Variants in GNA14 observed in about 807,000 individuals in gnomAD.
GNA14 encodes G protein subunit alpha 14.
A neutral mutation model predicts 42.0 loss-of-function variants in GNA14; 50 were observed. The ratio of observed to expected loss-of-function variants is 1.19; its 90% confidence interval spans 0.95 to 1.51. The LOEUF (loss-of-function observed/expected upper bound fraction) is 1.51, where lower values mean the gene tolerates loss of function less well. Ranked by LOEUF, GNA14 falls within the 40% of genes most tolerant of loss-of-function variation. The probability of loss-of-function intolerance (pLI) is 0.00; values close to 1 mark genes in which losing one functional copy is unlikely to be tolerated. For synonymous variants in GNA14, 173 were observed against 163.1 expected, an observed-to-expected ratio of 1.06 and a Z score of -0.46; for missense variants, 473 against 446.2, an observed-to-expected ratio of 1.06 and a Z score of -0.54.
chr9:77,433,432 G>A (rs1212591801), intron 3 of GNA14, among the ~76,000 whole-genome samples: 1 of 151,788 alleles, frequency 6.6e-6, no homozygotes, highest in Non-Finnish European at 1.5e-5. Flanking sequence ...TGTCACTCAG[G>A]CTGTACTGCA....
In GNA14 at chr9:77,612,521, T is replaced by C. The variant is rs989594606; in HGVS notation, c.124+35149A>G. Among the ~76,000 whole-genome samples, 7 of 152,020 alleles carry C rather than the reference T, an allele frequency of 4.6e-5. No homozygotes were observed. The South Asian group carries it at 1.3e-3, about 27-fold the overall frequency. ...TAAGTAAATAAAAACAAAAAGCAAA[T>C]ACTAAAACCTAAAATGTAAACAAAG... is the stretch of plus-strand genomic sequence containing the variant. On this transcript the variant is annotated intron_variant, in intron 1 of 6. Transcript: ENST00000341700.
chr9:77,557,534 T>A (rs543912142), intron 1 of GNA14, among the ~76,000 whole-genome samples: 2 of 152,356 alleles, frequency 1.3e-5, no homozygotes, highest in African/African-American at 2.4e-5. Context: ...GGGATATGAA[T>A]GGCCCACGCT....
At chr9:77,445,741 A>T (rs1178206380) in intron 2 of GNA14, among the ~76,000 whole-genome samples, 2 of 151,956 alleles carry the variant, frequency 1.3e-5, no homozygotes, top group African/African-American at 2.4e-5. Context: ...CCCCATCTTT[A>T]AAAAATATAT....
chr9:77,577,715 G>C (rs1325626910), intron 1 of GNA14, among the ~76,000 whole-genome samples: 1 of 152,148 alleles, frequency 6.6e-6, no homozygotes, highest in Non-Finnish European at 1.5e-5. Context: ...TTTCAATGAG[G>C]GCTCTGTAGA....
chr9:77,445,240 G>C (rs1200471541), intron 2 of GNA14, among the ~76,000 whole-genome samples: 1 of 152,180 alleles, frequency 6.6e-6, no homozygotes, highest in Non-Finnish European at 1.5e-5. Flanking sequence ...GACCAGACCA[G>C]CCTTTGCTAC....
At chr9:77,561,663 T>C (rs896134344) in intron 1 of GNA14, among the ~76,000 whole-genome samples, 1 of 152,226 alleles carries the variant, frequency 6.6e-6, no homozygotes, top group Non-Finnish European at 1.5e-5. Context: ...TTTAATGAGT[T>C]GCTCCTTGGA....
rs879723399 is a variant in GNA14 at position 77,529,345 on chromosome 9, T to G, written c.125-92A>C. On this transcript the variant is annotated intron_variant, in intron 1 of 6. Coordinates refer to ENST00000341700, the MANE Select transcript of GNA14 (RefSeq NM_004297.4). ...GACCTCCTGGCAGTATTAATCCACATCCCAATTAATAGGCTGATGGGTTGG... is the reference window on the plus strand; with the variant it reads ...GACCTCCTGGCAGTATTAATCCACAGCCCAATTAATAGGCTGATGGGTTGG... The G allele has an allele frequency of 3.1e-6, 3 of 954,490 alleles. No individual in the cohort carries two copies. The Admixed American group carries it at 5.4e-5, about 17-fold the overall frequency. 59.1% of individuals were successfully genotyped at this position (954,490 alleles called of 1,614,324 possible).
chr9:77,435,513 C>G (rs1000958307), intron 2 of GNA14, among the ~76,000 whole-genome samples: 3 of 152,098 alleles, frequency 2.0e-5, no homozygotes, highest in African/African-American at 2.4e-5. Context: ...GAGCCTCCCT[C>G]CCAATGCACT....
chr9:77,536,351 T>TG (rs1837598509), intron 1 of GNA14, among the ~76,000 whole-genome samples: 6 of 151,832 alleles, frequency 4.0e-5, no homozygotes, highest in Admixed American at 3.3e-4. Flanking sequence ...TTAGGTTTTT[T>TG]TTGTGTGTGT....
intron 4 of GNA14, 64 bp downstream of exon 4, chr9:77,431,257 A>T: frequency 6.8e-7 from 1 of 1,472,728 alleles, no homozygotes; most frequent in Non-Finnish European, 9.4e-7. Flanking sequence ...CACGTTTAAG[A>T]ATCCACCTGG....
chr9:77,568,858 CA>C (rs1823014200), intron 1 of GNA14, among the ~76,000 whole-genome samples: 1 of 152,132 alleles, frequency 6.6e-6, no homozygotes, highest in South Asian at 2.1e-4. Flanking sequence ...GTGGAGGGAG[CA>C]AAGATACAAT....
chr9:77,515,960 CAAAAAAA>C (rs1158448237), intron 2 of GNA14, among the ~76,000 whole-genome samples: 1,014 of 52,760 alleles, frequency 0.019, 46 homozygotes, highest in African/African-American at 0.062. Flanking sequence ...CCCTGTCTCA[CAAAAAAA>C]AAAAAAAAAA....
At chr9:77,645,246 A>G (rs1323583844) in intron 1 of GNA14, among the ~76,000 whole-genome samples, 1 of 152,208 alleles carries the variant, frequency 6.6e-6, no homozygotes, top group East Asian at 1.9e-4. Flanking sequence ...TAACTGAGGC[A>G]CCTGAGCAGT....
chr9:77,429,054 A>AG lies in GNA14; in HGVS notation c.594-19dup. On this transcript the variant is annotated intron_variant, in intron 4 of 6. Transcript: ENST00000341700. ...CCACCATCCTGTTGTGTAGAAACAC[A>AG]GATCCTTCAAAGGTTGGAATACATG... The AG allele has an allele frequency of 6.2e-7, 1 of 1,613,326 alleles. No individual in the cohort carries two copies. The highest frequency in any genetic ancestry group is 8.5e-7 in the Non-Finnish European group (1 of 1,179,466).
intron 1 of GNA14, among the ~76,000 whole-genome samples, chr9:77,646,044 G>A (rs973408907): frequency 3.3e-5 from 5 of 152,180 alleles, no homozygotes; most frequent in African/African-American, 1.2e-4. Flanking sequence ...CAGCCTAGAA[G>A]GCCAGGGACA....
chr9:77,545,737 TCTC>T (rs1289808585), intron 1 of GNA14, among the ~76,000 whole-genome samples: 3 of 150,456 alleles, frequency 2.0e-5, no homozygotes, highest in Non-Finnish European at 3.0e-5. Flanking sequence ...TCCCATAAAT[TCTC>T]CTAAGGTTCC....
intron 2 of GNA14, among the ~76,000 whole-genome samples, chr9:77,512,892 A>C (rs1837192937): frequency 6.6e-6 from 1 of 152,230 alleles, no homozygotes; most frequent in Non-Finnish European, 1.5e-5. Context: ...TAGCAAAATA[A>C]ATTTGAAATA....
chr9:77,519,821 C>T (rs899174646), intron 2 of GNA14, among the ~76,000 whole-genome samples: 1 of 152,050 alleles, frequency 6.6e-6, no homozygotes, highest in Admixed American at 6.6e-5. Context: ...ACCAGCCTGG[C>T]CAACATGGCG....
intron 2 of GNA14, among the ~76,000 whole-genome samples, chr9:77,485,702 T>A (rs1836647993): frequency 1.3e-5 from 2 of 151,536 alleles, no homozygotes; most frequent in African/African-American, 2.4e-5. Flanking sequence ...AGCAACCATT[T>A]AAAAAAAAAC....
Sources: allele counts gnomAD v4.1 joint callset (sites outside exome capture counted in the v4.1 genomes callset), GRCh38; gene constraint gnomAD v4.1.1; transcripts MANE v1.5; gene names NCBI Gene and HGNC (gene_info 2026-07-23, HGNC 2026-07-21).